DPP10: variants seen among roughly 807,000 people sequenced by gnomAD.
The protein encoded by DPP10 is dipeptidyl peptidase like 10.
In DPP10, 33 loss-of-function variants were observed where a neutral mutation model predicts 120.9. That is an observed-to-expected ratio of 0.27 (90% CI 0.21 to 0.37). The LOEUF (loss-of-function observed/expected upper bound fraction) is 0.37, where lower values mean the gene tolerates loss of function less well. Ranked by LOEUF, DPP10 falls within the 10% of genes least tolerant of loss-of-function variation. The pLI is 1.00. For missense variants in DPP10, 816 were observed against 942.8 expected (o/e 0.87, Z 1.76); for synonymous variants, 337 against 326.1 (o/e 1.03, Z -0.36).
intron 7 of DPP10, among the ~76,000 whole-genome samples, chr2:115,699,030 AAAAAAC>A (rs1441254570): frequency 0.012 from 385 of 31,636 alleles, 13 homozygotes; most frequent in South Asian, 0.027. Flanking sequence ...CTGAAAAAAA[AAAAAAC>A]AAAAAAAAAA....
At chr2:114,942,594 C>T (rs1697045553) in intron 1 of DPP10, among the ~76,000 whole-genome samples, 1 of 150,978 alleles carries the variant, frequency 6.6e-6, no homozygotes. Flanking sequence ...TAGTCGGAAT[C>T]CCTGGTGCAG....
rs181295043 is a variant in DPP10, at chr2:115,032,837, A to G, written c.61-276402A>G. 2.7e-3 allele frequency among the ~76,000 whole-genome samples: 415 copies of G among 151,326 alleles called. 2 individuals carry two copies. Among genetic ancestry groups the G allele is most frequent in the Non-Finnish European group, 4.7e-3 (317 of 67,822 alleles). On this transcript the variant is annotated intron_variant, in intron 1 of 25. Transcript: ENST00000410059. ...GAGGCAGAGGTTGCAATGAGCTGAG[A>G]TCGCGCCATTGTACTCCAGCCTGGG... is the stretch of plus-strand genomic sequence containing the variant.
At position 115,813,609 on chromosome 2, in the gene DPP10, T is replaced by A. The variant is rs1224673278; in HGVS notation, c.1701-1184T>A. On this transcript the variant is annotated intron_variant, in intron 19 of 25. Coordinates refer to ENST00000410059, the MANE Select transcript of DPP10 (RefSeq NM_020868.6). Reference sequence around the variant, plus strand: ...ACATAATTCAGCCCCTAACAGCTTTTAATAAATTTTAGTTGCTCTGTGTTT... The same window carrying A: ...ACATAATTCAGCCCCTAACAGCTTTAAATAAATTTTAGTTGCTCTGTGTTT... Among the ~76,000 whole-genome samples, 7 of 152,364 alleles carry A rather than the reference T, an allele frequency of 4.6e-5. No homozygotes were observed. The South Asian group carries it at 1.2e-3, about 27-fold the overall frequency.
chr2:114,546,565 G>A (rs559095848), intron 1 of DPP10, among the ~76,000 whole-genome samples: 1 of 152,304 alleles, frequency 6.6e-6, no homozygotes, highest in South Asian at 2.1e-4. Flanking sequence ...CTTACAGTGG[G>A]CCTGAAGCTC....
chr2:114,462,572 A>G (rs1306163222), intron 1 of DPP10, among the ~76,000 whole-genome samples: 1 of 152,184 alleles, frequency 6.6e-6, no homozygotes, highest in Non-Finnish European at 1.5e-5. Flanking sequence ...GGAAAACTTC[A>G]GAAGGGATAT....
intron 1 of DPP10, among the ~76,000 whole-genome samples, chr2:115,147,341 C>T (rs546625807): frequency 6.6e-6 from 1 of 151,910 alleles, no homozygotes; most frequent in Non-Finnish European, 1.5e-5. Flanking sequence ...TTTGTTGTGG[C>T]TTTTGATCCA....
intron 1 of DPP10, among the ~76,000 whole-genome samples, chr2:115,148,357 T>G (rs925457237): frequency 2.0e-5 from 3 of 152,164 alleles, no homozygotes; most frequent in Admixed American, 6.6e-5. Context: ...GACCTTGAGA[T>G]GAGGATCTCA....
chr2:115,357,169 A>G (rs1362012689), intron 3 of DPP10, among the ~76,000 whole-genome samples: 1 of 152,180 alleles, frequency 6.6e-6, no homozygotes, highest in Non-Finnish European at 1.5e-5. Flanking sequence ...GTCCTAATGG[A>G]TAATGGATAG....
At chr2:114,766,970 C>G (rs914432653) in intron 1 of DPP10, among the ~76,000 whole-genome samples, 4 of 151,534 alleles carry the variant, frequency 2.6e-5, no homozygotes, top group African/African-American at 9.7e-5. Context: ...AAATGGTGAA[C>G]AGTGAATAAT....
chr2:115,811,000 GT>G (rs1474148811), intron 19 of DPP10, among the ~76,000 whole-genome samples: 1 of 152,116 alleles, frequency 6.6e-6, no homozygotes, highest in Non-Finnish European at 1.5e-5. Flanking sequence ...AGCACCAAAT[GT>G]TTTGCTATTC....
At chr2:114,747,217 C>T (rs112653925) in intron 1 of DPP10, among the ~76,000 whole-genome samples, 6 of 152,246 alleles carry the variant, frequency 3.9e-5, no homozygotes, top group African/African-American at 1.4e-4. Flanking sequence ...AGTATTATTC[C>T]TTTAGGATGC....
chr2:115,830,273 G>A (rs1014199928), intron 21 of DPP10, among the ~76,000 whole-genome samples: 6 of 150,258 alleles, frequency 4.0e-5, no homozygotes, highest in East Asian at 2.0e-4. Context: ...CAGGAGAATC[G>A]CTTGAACCCA....
At chr2:115,065,160 T>C (rs760862005) in intron 1 of DPP10, among the ~76,000 whole-genome samples, 7 of 152,276 alleles carry the variant, frequency 4.6e-5, no homozygotes, top group South Asian at 2.1e-4. Context: ...CTCTGTAACA[T>C]ATTTATTTTT....
chr2:114,578,092 A>T (rs1690203820), intron 1 of DPP10, among the ~76,000 whole-genome samples: 2 of 152,232 alleles, frequency 1.3e-5, no homozygotes, highest in Admixed American at 6.5e-5. Context: ...TCTAAGATAA[A>T]TTGGCAAAAA....
At chr2:115,225,524 T>C (rs764349225) in intron 1 of DPP10, among the ~76,000 whole-genome samples, 3 of 151,804 alleles carry the variant, frequency 2.0e-5, no homozygotes, top group Non-Finnish European at 4.4e-5. Context: ...TGTGTGTGTG[T>C]GTGTGTATGC....
At chr2:115,457,217 G>A (rs1558689228) in intron 3 of DPP10, among the ~76,000 whole-genome samples, 2 of 151,188 alleles carry the variant, frequency 1.3e-5, no homozygotes, top group Non-Finnish European at 2.9e-5. Flanking sequence ...ATATCCACTT[G>A]AAAAAAAATG....
At chr2:115,675,811 A>C (rs4404272) in intron 5 of DPP10, among the ~76,000 whole-genome samples, 149,288 of 152,264 alleles carry the variant, frequency 0.98, 73,247 homozygotes, top group Middle Eastern at 1. Flanking sequence ...CAGCACAATG[A>C]CATTTTGAGA....
At chr2:115,775,013 A>G (rs964521484) in intron 13 of DPP10, among the ~76,000 whole-genome samples, 13 of 152,176 alleles carry the variant, frequency 8.5e-5, no homozygotes, top group Admixed American at 8.5e-4. Flanking sequence ...TACATTTGGA[A>G]ACAAAATATA....
chr2:114,684,635 C>A (rs1170713479), intron 1 of DPP10, among the ~76,000 whole-genome samples: 2 of 151,902 alleles, frequency 1.3e-5, no homozygotes, highest in Admixed American at 6.6e-5. Flanking sequence ...AAAAGCTGAG[C>A]CCTGTGCTCT....
Sources: gnomAD v4.1 joint callset for allele counts (sites outside exome capture counted in the v4.1 genomes callset) on GRCh38, gnomAD v4.1.1 for gene constraint, MANE v1.5 for transcripts, NCBI Gene and HGNC (gene_info 2026-07-23, HGNC 2026-07-21) for gene names.